Variants in TAF12 observed in about 807,000 individuals in gnomAD.
TAF12 encodes TATA-box binding protein associated factor 12.
In TAF12, 3 loss-of-function variants were observed where a neutral mutation model predicts 20.8. The observed-to-expected ratio is 0.14, with a 90% confidence interval of 0.07 to 0.37. The LOEUF (loss-of-function observed/expected upper bound fraction) is 0.37, where lower values mean the gene tolerates loss of function less well. Among genes scored for constraint, TAF12 ranks in the 10% least tolerant of loss-of-function variants. The probability of loss-of-function intolerance (pLI) is 1.00; values close to 1 mark genes in which losing one functional copy is unlikely to be tolerated. For missense variants in TAF12, 131 were observed against 197.9 expected (o/e 0.66, Z 2.03); for synonymous variants, 69 against 70.2 (o/e 0.98, Z 0.09).
chr1:28,606,184 A>G (rs1570291715), intron 4 of TAF12, among the ~76,000 whole-genome samples: 1 of 152,076 alleles, frequency 6.6e-6, no homozygotes, highest in East Asian at 1.9e-4. Context: ...TTTTTAGTAG[A>G]GATGGGGTTT....
chr1:28,624,610 G>A (rs1032287002), intron 1 of TAF12, among the ~76,000 whole-genome samples: 1 of 152,028 alleles, frequency 6.6e-6, no homozygotes, highest in East Asian at 1.9e-4. Context: ...AGCCAGGCAT[G>A]GTGGCACGTG....
intron 2 of TAF12, among the ~76,000 whole-genome samples, chr1:28,621,007 G>T (rs1481197903): frequency 6.6e-6 from 1 of 151,910 alleles, no homozygotes; most frequent in African/African-American, 2.4e-5. Flanking sequence ...ATCCTCTATA[G>T]GACACACTAT....
chr1:28,619,686 C>T, intron 2 of TAF12, among the ~76,000 whole-genome samples: 1 of 140,850 alleles, frequency 7.1e-6, no homozygotes, highest in Non-Finnish European at 1.5e-5. Context: ...TACGGTGGCT[C>T]ATGCCTGTAA....
chr1:28,609,706 C>G (rs1395331996), intron 4 of TAF12, among the ~76,000 whole-genome samples: 1 of 151,510 alleles, frequency 6.6e-6, no homozygotes, highest in East Asian at 2.0e-4. Flanking sequence ...AGGCTGGTCT[C>G]GAACACCTGA....
chr1:28,631,381 T>A (rs1667614022), intron 1 of TAF12, among the ~76,000 whole-genome samples: 1 of 151,842 alleles, frequency 6.6e-6, no homozygotes, highest in Admixed American at 6.6e-5. Flanking sequence ...AAAAACTAGC[T>A]GGGTGTGTTG....
chr1:28,606,518 C>T (rs1380678005), intron 4 of TAF12, among the ~76,000 whole-genome samples: 2 of 152,032 alleles, frequency 1.3e-5, no homozygotes, highest in Admixed American at 1.3e-4. Context: ...GCCTCAGCCT[C>T]CCGAAGTGTT....
chr1:28,635,486 T>C (rs566139107), intron 1 of TAF12, among the ~76,000 whole-genome samples: 53 of 151,398 alleles, frequency 3.5e-4, no homozygotes, highest in Non-Finnish European at 6.8e-4. Context: ...TTTGTATTTT[T>C]AGTAGACATG....
chr1:28,611,615 AAGCCACAG>A (rs1007406938), intron 4 of TAF12, among the ~76,000 whole-genome samples: 15 of 152,138 alleles, frequency 9.9e-5, no homozygotes, highest in African/African-American at 3.6e-4. Context: ...CTGTAGCTAC[AAGCCACAG>A]AACACCAAGG....
At chr1:28,611,285 A>G (rs1241567421) in intron 4 of TAF12, among the ~76,000 whole-genome samples, 1 of 152,042 alleles carries the variant, frequency 6.6e-6, no homozygotes, top group African/African-American at 2.4e-5. Context: ...GGACGGAGGG[A>G]GACGCCTGCA....
intron 1 of TAF12, among the ~76,000 whole-genome samples, chr1:28,632,713 A>C (rs926343577): frequency 6.6e-6 from 1 of 152,052 alleles, no homozygotes; most frequent in African/African-American, 2.4e-5. Context: ...GGAGCGTTTG[A>C]CTACAAAGGA....
intron 1 of TAF12, among the ~76,000 whole-genome samples, chr1:28,638,491 ATTT>A (rs140717375): frequency 4.2e-5 from 4 of 95,238 alleles, no homozygotes; most frequent in Non-Finnish European, 4.4e-5. Flanking sequence ...GCCCGGCCTA[ATTT>A]TTTTTTTTTT....
At chr1:28,635,101 G>C (rs1267706291) in intron 1 of TAF12, among the ~76,000 whole-genome samples, 1 of 133,914 alleles carries the variant, frequency 7.5e-6, no homozygotes, top group Non-Finnish European at 1.6e-5. Flanking sequence ...ATGGTGGCGG[G>C]TGCCTGTAGT....
intron 1 of TAF12, among the ~76,000 whole-genome samples, chr1:28,624,308 C>T (rs1340303981): frequency 2.6e-5 from 4 of 152,070 alleles, no homozygotes; most frequent in Non-Finnish European, 5.9e-5. Flanking sequence ...TTTTATTGGG[C>T]AAAATTGTGG....
intron 1 of TAF12, among the ~76,000 whole-genome samples, chr1:28,636,920 T>C (rs970922289): frequency 3.9e-5 from 6 of 152,132 alleles, no homozygotes; most frequent in Non-Finnish European, 7.3e-5. Flanking sequence ...CTGTAGTACA[T>C]TGTGATAGGC....
rs532411460 is a variant in TAF12 at position 28,626,517 on chromosome 1, G to C, written c.-84-4352C>G. The stretch of plus-strand genomic sequence containing the variant: ...AATTGCTTGAACCCAGGAGGTGGAG[G>C]TTGCAGTGGGCCGAGATCATGCCAC... On this transcript the variant is annotated intron_variant, in intron 1 of 5. Transcript: ENST00000373824. Among the ~76,000 whole-genome samples the C allele has an allele frequency of 7.4e-5, 11 of 149,414 alleles. No individual in the cohort carries two copies. In the South Asian group the frequency reaches 2.3e-3, roughly 32 times the overall value.
intron 5 of TAF12, among the ~76,000 whole-genome samples, chr1:28,605,080 G>T (rs1453348753): frequency 1.3e-5 from 2 of 152,130 alleles, no homozygotes; most frequent in African/African-American, 2.4e-5. Flanking sequence ...GGTATGGTGG[G>T]GCGAGCTGCA....
chr1:28,624,463 C>T (rs747807541), intron 1 of TAF12, among the ~76,000 whole-genome samples: 33 of 152,014 alleles, frequency 2.2e-4, no homozygotes, highest in Non-Finnish European at 1.2e-4. Context: ...TATGAGAAAT[C>T]TGGCCCGGCC....
intron 4 of TAF12, among the ~76,000 whole-genome samples, chr1:28,611,876 T>C (rs1282822723): frequency 6.6e-6 from 1 of 152,150 alleles, no homozygotes; most frequent in African/African-American, 2.4e-5. Context: ...TTAGTAAAAC[T>C]AGCTGAGCCC....
chr1:28,645,992 G>C (rs941852603), upstream of TAF12: 2 of 151,670 alleles, frequency 1.3e-5, no homozygotes, highest in Non-Finnish European at 1.5e-5. Flanking sequence ...GAGAGATAAG[G>C]TCAGATGTGG....
Sources: gnomAD v4.1 joint callset for allele counts (sites outside exome capture counted in the v4.1 genomes callset) on GRCh38, gnomAD v4.1.1 for gene constraint, MANE v1.5 for transcripts, NCBI Gene and HGNC (gene_info 2026-07-23, HGNC 2026-07-21) for gene names.